The following PCDHGA6 variants were observed in gnomAD, a reference collection of about 807,000 sequenced individuals.
The protein encoded by PCDHGA6 is protocadherin gamma subfamily A, 6.
Under a neutral mutation model 60.6 loss-of-function variants are expected in PCDHGA6, and 41 were observed. The ratio of observed to expected loss-of-function variants is 0.68; its 90% CI spans 0.53 to 0.88. The LOEUF (loss-of-function observed/expected upper bound fraction) is 0.88. Ranked by LOEUF, PCDHGA6 falls within the 40% of genes least tolerant of loss-of-function variation. The pLI is 0.00. For missense variants in PCDHGA6, 1,312 were observed against 1,203.0 expected, an observed-to-expected ratio of 1.09 and a Z score of -1.34; for synonymous variants, 594 against 524.4, an observed-to-expected ratio of 1.13 and a Z score of -1.81.
At chr5:141,474,461 CTT>C (rs1264129273) in intron 1 of PCDHGA6, among the ~76,000 whole-genome samples, 1 of 152,214 alleles carries the variant, frequency 6.6e-6, no homozygotes, top group East Asian at 1.9e-4. Context: ...GGGCTATACT[CTT>C]TATTCTAAAT....
intron 1 of PCDHGA6, chr5:141,397,974 C>T: frequency 1.7e-6 from 2 of 1,174,456 alleles, no homozygotes; most frequent in Non-Finnish European, 1.2e-6. Context: ...TCCCCAGCGC[C>T]GGCCTTTACA....
At position 141,490,874 on chromosome 5, in the gene PCDHGA6, A is replaced by T. The variant is rs368927472; in HGVS notation, c.2425-3933A>T. 2 of 1,613,948 alleles carry T rather than the reference A, an allele frequency of 1.2e-6. No homozygotes were observed. Among genetic ancestry groups the T allele is most frequent in the Non-Finnish European group, 1.7e-6 (2 of 1,179,952 alleles). On this transcript the variant is annotated intron_variant, in intron 1 of 3. Transcript: ENST00000517434. The surrounding 1 kb of genome is among the most constrained non-coding windows in gnomAD (Gnocchi z 5.4). The stretch of plus-strand genomic sequence containing the variant: ...CGAGACTCCGGCTCTCCCCCATTGC[A>T]TGCCAACACATCTCTGCATGTGTTT...
chr5:141,481,455 C>T (rs2099537897), intron 1 of PCDHGA6, among the ~76,000 whole-genome samples: 1 of 152,176 alleles, frequency 6.6e-6, no homozygotes, highest in African/African-American at 2.4e-5. Flanking sequence ...TGTAAATACA[C>T]TGAAAACCAT....
At position 141,505,451 on chromosome 5, in the gene PCDHGA6, C is replaced by T. The variant is rs1350424069; in HGVS notation, c.2542C>T (p.Leu848=). Residue 848 remains leucine (L), a synonymous_variant, in exon 3 of 4, where the codon CTG becomes TTG. Transcript: ENST00000517434. The part of the protein sequence containing the change: ...WPNNQFDTEM[L]QAMILASASE... ...CAACAACCAGTTTGACACAGAGATG[C>T]TGCAAGCCATGATCTTGGCGTCCGC... The T allele has an allele frequency of 1.2e-6, 2 of 1,614,222 alleles. No individual in the cohort carries two copies. The highest frequency in any genetic ancestry group is 1.7e-6 in the Non-Finnish European group (2 of 1,180,048).
At position 141,408,408 on chromosome 5, in the gene PCDHGA6, G is replaced by A. The variant is rs376957467; in HGVS notation, c.2424+31901G>A. On this transcript the variant is annotated intron_variant, in intron 1 of 3. Coordinates refer to ENST00000517434, the MANE Select transcript of PCDHGA6 (RefSeq NM_018919.3). The stretch of plus-strand genomic sequence containing the variant: ...GTGTCGGCTCGCAAGCTGCGAGTGA[G>A]CGCGGAGAAGCTGCACTTCAGCGTA... 5 of 1,614,080 alleles carry A rather than the reference G, an allele frequency of 3.1e-6. No homozygotes were observed. The Admixed American group carries it at 5.0e-5, about 16-fold the overall frequency.
intron 1 of PCDHGA6, among the ~76,000 whole-genome samples, chr5:141,472,030 G>A (rs2099269943): frequency 6.6e-6 from 1 of 152,030 alleles, no homozygotes; most frequent in African/African-American, 2.4e-5. Flanking sequence ...TATGTAGAAA[G>A]CTGTGAAAAG....
At chr5:141,381,370 G>A (rs562934988) in intron 1 of PCDHGA6, among the ~76,000 whole-genome samples, 1 of 152,320 alleles carries the variant, frequency 6.6e-6, no homozygotes, top group East Asian at 1.9e-4. Context: ...GGTAGCCTCG[G>A]ATCCATCAAT....
At chr5:141,461,251 A>G (rs925406409) in intron 1 of PCDHGA6, among the ~76,000 whole-genome samples, 1 of 152,156 alleles carries the variant, frequency 6.6e-6, no homozygotes, top group Non-Finnish European at 1.5e-5. Flanking sequence ...TTATATTCCC[A>G]GCAGCAATGT....
chr5:141,497,237 T>C (rs933112169), intron 2 of PCDHGA6, among the ~76,000 whole-genome samples: 3 of 152,038 alleles, frequency 2.0e-5, no homozygotes, highest in Non-Finnish European at 4.4e-5. Context: ...AGAAGGCTTC[T>C]AGGAGGAGGT....
intron 1 of PCDHGA6, chr5:141,399,023 C>T: frequency 6.2e-7 from 1 of 1,613,914 alleles, no homozygotes; most frequent in African/African-American, 1.3e-5. Flanking sequence ...GAAATTACCA[C>T]TCAAAAGAAA....
At chr5:141,380,044 T>G (rs2150154825) in intron 1 of PCDHGA6, among the ~76,000 whole-genome samples, 1 of 151,770 alleles carries the variant, frequency 6.6e-6, no homozygotes, top group African/African-American at 2.4e-5. Context: ...GGATTACAGG[T>G]GCATGCCACC....
chr5:141,441,838 C>A, intron 1 of PCDHGA6: 1 of 355,582 alleles, frequency 2.8e-6, no homozygotes, highest in Non-Finnish European at 5.5e-6. Context: ...TGGCTTCGCG[C>A]TCTTGGATAT....
At chr5:141,403,758 T>C (rs1022850868) in intron 1 of PCDHGA6, 18 of 1,613,804 alleles carry the variant, frequency 1.1e-5, no homozygotes, top group Non-Finnish European at 1.4e-5. Flanking sequence ...GCCAGCGACC[T>C]GGATGAGGGA....
In PCDHGA6 at chr5:141,375,327, T is replaced by A. The variant is rs1219155365; in HGVS notation, c.1244T>A (p.Val415Glu). 2 of 1,613,686 alleles carry A rather than the reference T, an allele frequency of 1.2e-6. No homozygotes were observed. The highest frequency in any genetic ancestry group is 2.2e-5 in the South Asian group (2 of 91,074). Residue 415 changes from valine (V) to glutamate (E), a missense_variant, in exon 1 of 4, where the codon GTA becomes GAA. Physicochemically the swap from Val to Glu is moderately radical, Grantham distance 121. Coordinates refer to ENST00000517434, the MANE Select transcript of PCDHGA6 (RefSeq NM_018919.3). Reference protein sequence around the residue: ...VTNAALDREEVFLYNITVTAT... With the variant: ...VTNAALDREEEFLYNITVTAT... ...AATGCAGCTCTAGACCGGGAAGAGG[T>A]ATTCTTGTACAACATCACTGTGACA... is the stretch of plus-strand genomic sequence containing the variant.
rs917165100 is a variant in PCDHGA6, at chr5:141,442,878, C to T, written c.2425-51929C>T. Among the ~76,000 whole-genome samples, 6 of 152,178 alleles carry T rather than the reference C, an allele frequency of 3.9e-5. No homozygotes were observed. In the South Asian group the frequency reaches 8.3e-4, roughly 21 times the overall value. The stretch of plus-strand genomic sequence containing the variant: ...GTATGAGAGATGTAAATTTACAACT[C>T]AGAATCCCTGCTTATCACTTCTCCT... On this transcript the variant is annotated intron_variant, in intron 1 of 3. Coordinates refer to ENST00000517434, the MANE Select transcript of PCDHGA6 (RefSeq NM_018919.3).
In PCDHGA6 at chr5:141,490,598, G is replaced by A. The variant is rs141484080; in HGVS notation, c.2425-4209G>A. On this transcript the variant is annotated intron_variant, in intron 1 of 3. Transcript: ENST00000517434. This position sits in a 1 kb window ranked among gnomAD's most constrained non-coding sequence, Gnocchi z 5.4. ...TCAGATGTCAATGACAATGCACCCC[G>A]CTTCAACCAGCAGCTTTACACTGCT... 309 of 1,614,062 alleles carry A rather than the reference G, an allele frequency of 1.9e-4. 2 individuals carry two copies. Among genetic ancestry groups the A allele is most frequent in the Admixed American group, 5.0e-4 (30 of 60,018 alleles).
At chr5:141,483,122 A>G (rs1159736878) in intron 1 of PCDHGA6, among the ~76,000 whole-genome samples, 1 of 152,166 alleles carries the variant, frequency 6.6e-6, no homozygotes, top group Non-Finnish European at 1.5e-5. Context: ...CAGTCTTTGT[A>G]GGAGATGAGG....
chr5:141,414,725 T>C (rs1303775655), intron 1 of PCDHGA6: 8 of 1,613,970 alleles, frequency 5.0e-6, no homozygotes, highest in African/African-American at 1.3e-5. Flanking sequence ...GACACTGGCG[T>C]CCTGTATGCA....
At position 141,431,368 on chromosome 5, in the gene PCDHGA6, A is replaced by G; in HGVS notation, c.2424+54861A>G. On this transcript the variant is annotated intron_variant, in intron 1 of 3. Coordinates refer to ENST00000517434, the MANE Select transcript of PCDHGA6 (RefSeq NM_018919.3). The surrounding 1 kb of genome is among the most constrained non-coding windows in gnomAD (Gnocchi z 4.8). ...TGCTGAAACGCGCCCTGGACCGCGA[A>G]GAAAAGGCTGCTCACCACCTGGTCC... 1.9e-6 allele frequency: 3 copies of G among 1,614,002 alleles called. No individual in the cohort carries two copies. The highest frequency in any genetic ancestry group is 2.5e-6 in the Non-Finnish European group (3 of 1,180,034).
Sources: allele counts gnomAD v4.1 joint callset (sites outside exome capture counted in the v4.1 genomes callset), GRCh38; gene constraint gnomAD v4.1.1; non-coding constraint Gnocchi (gnomAD v3.1); transcripts MANE v1.5; gene names NCBI Gene and HGNC (gene_info 2026-07-23, HGNC 2026-07-21).